Variants in VPS13D observed in about 807,000 individuals in gnomAD.
VPS13D encodes the protein intermembrane lipid transfer protein VPS13D.
A neutral mutation model predicts 461.9 loss-of-function variants in VPS13D; 187 were observed. The ratio of observed to expected loss-of-function variants is 0.40; its 90% confidence interval spans 0.36 to 0.46. The LOEUF (loss-of-function observed/expected upper bound fraction) is 0.46, where lower values mean the gene tolerates loss of function less well. Ranked by LOEUF, VPS13D falls within the 20% of genes least tolerant of loss-of-function variation. The pLI, the probability that VPS13D is intolerant of heterozygous loss-of-function variation, is 0.60. For missense variants in VPS13D, 4,711 were observed against 5,364.9 expected (o/e 0.88, Z 3.81); for synonymous variants, 1,951 against 1,986.3 (o/e 0.98, Z 0.47).
chr1:12,328,407 C>G (rs1643247229), intron 36 of VPS13D, among the ~76,000 whole-genome samples: 1 of 150,332 alleles, frequency 6.7e-6, no homozygotes, highest in Admixed American at 6.6e-5. Flanking sequence ...GTTTTGTTGC[C>G]CAAGGTTGGT....
chr1:12,448,231 T>C (rs552864465), intron 65 of VPS13D, among the ~76,000 whole-genome samples: 5 of 152,334 alleles, frequency 3.3e-5, no homozygotes, highest in Admixed American at 1.3e-4. Flanking sequence ...GTGTGTTTTC[T>C]TGGAGTTGAA....
intron 35 of VPS13D, among the ~76,000 whole-genome samples, chr1:12,325,092 C>T (rs1435665106): frequency 1.3e-5 from 2 of 152,034 alleles, no homozygotes; most frequent in African/African-American, 2.4e-5. Flanking sequence ...TTTTTTTCCC[C>T]CTTTTTTAAA....
chr1:12,246,533 C>G (rs544572259), intron 5 of VPS13D, among the ~76,000 whole-genome samples: 13 of 152,280 alleles, frequency 8.5e-5, no homozygotes, highest in African/African-American at 3.1e-4. Context: ...CTTCTTGTCC[C>G]AAGCCTTTCA....
intron 13 of VPS13D, among the ~76,000 whole-genome samples, chr1:12,262,551 A>T (rs1476291108): frequency 6.6e-6 from 1 of 152,218 alleles, no homozygotes; most frequent in Non-Finnish European, 1.5e-5. Context: ...TGAGGTAAGC[A>T]GCTAATAGTC....
At chr1:12,262,707 C>CTT (rs1466311010) in intron 13 of VPS13D, among the ~76,000 whole-genome samples, 3 of 143,388 alleles carry the variant, frequency 2.1e-5, no homozygotes, top group Admixed American at 7.0e-5. Flanking sequence ...TATTTTCTTT[C>CTT]TTTTTTTTTT....
At chr1:12,242,948 CTTTTCTTTTCT>C (rs1021026880) in intron 3 of VPS13D, among the ~76,000 whole-genome samples, 1 of 150,698 alleles carries the variant, frequency 6.6e-6, no homozygotes, top group African/African-American at 2.4e-5. Flanking sequence ...TTTTCTTTTT[CTTTTCTTTTCT>C]TTTTTTTTTT....
At chr1:12,298,380 C>G (rs1037966534) in intron 24 of VPS13D, among the ~76,000 whole-genome samples, 6 of 152,290 alleles carry the variant, frequency 3.9e-5, no homozygotes, top group African/African-American at 1.4e-4. Context: ...ACGCTCACAC[C>G]TGTAATCCCA....
intron 67 of VPS13D, among the ~76,000 whole-genome samples, chr1:12,483,923 G>A (rs893698671): frequency 6.6e-6 from 1 of 151,874 alleles, no homozygotes; most frequent in Non-Finnish European, 1.5e-5. Flanking sequence ...ACTTGAACCC[G>A]GGATGTGGAG....
At chr1:12,429,989 TA>T (rs1440369973) in intron 65 of VPS13D, among the ~76,000 whole-genome samples, 12 of 152,252 alleles carry the variant, frequency 7.9e-5, no homozygotes, top group African/African-American at 2.9e-4. Flanking sequence ...TGAATTTATA[TA>T]ATAAAACATT....
At chr1:12,307,905 G>T (rs1273382517) in intron 26 of VPS13D, among the ~76,000 whole-genome samples, 1 of 152,318 alleles carries the variant, frequency 6.6e-6, no homozygotes, top group Admixed American at 6.5e-5. Context: ...GAGTGGTTTT[G>T]TGAGGGCTAG....
intron 23 of VPS13D, among the ~76,000 whole-genome samples, chr1:12,292,719 G>C (rs1406516662): frequency 6.6e-6 from 1 of 152,064 alleles, no homozygotes; most frequent in Non-Finnish European, 1.5e-5. Flanking sequence ...GATTACAGGC[G>C]TGAGCCACCG....
intron 63 of VPS13D, among the ~76,000 whole-genome samples, chr1:12,405,670 G>C (rs963191607): frequency 1.3e-5 from 2 of 152,156 alleles, no homozygotes; most frequent in African/African-American, 4.8e-5. Flanking sequence ...ATGGGAGTGA[G>C]GGGAAAACCA....
chr1:12,288,039 C>T (rs553418846), intron 21 of VPS13D, among the ~76,000 whole-genome samples, 184 bp from the exon 22 acceptor site: 31 of 152,246 alleles, frequency 2.0e-4, no homozygotes, highest in African/African-American at 6.7e-4. Flanking sequence ...GTCCAGTCTC[C>T]GCCCTGTCCT....
In VPS13D at chr1:12,315,910, G is replaced by A. The variant is rs180878653; in HGVS notation, c.7148+1583G>A. ...CAGCTCACTGCAACCTCCGCCTCCCGGGTTCAAGTGATTCTCCTGTCTCAG... is the reference window on the plus strand; with the variant it reads ...CAGCTCACTGCAACCTCCGCCTCCCAGGTTCAAGTGATTCTCCTGTCTCAG... On this transcript the variant is annotated intron_variant, in intron 30 of 69. Transcript: ENST00000620676. Among the ~76,000 whole-genome samples, 426 of 152,000 alleles carry A rather than the reference G, an allele frequency of 2.8e-3. 5 individuals are homozygous for A. The highest frequency in any genetic ancestry group is 5.2e-3 in the African/African-American group (217 of 41,432).
At chr1:12,290,786 A>G (rs543872293) in intron 22 of VPS13D, among the ~76,000 whole-genome samples, 1 of 151,728 alleles carries the variant, frequency 6.6e-6, no homozygotes, top group East Asian at 1.9e-4. Flanking sequence ...CTGCATTGAG[A>G]CTTTTTTTTT....
intron 37 of VPS13D, among the ~76,000 whole-genome samples, chr1:12,332,604 G>A (rs1483684845): frequency 5.3e-5 from 8 of 152,188 alleles, no homozygotes; most frequent in African/African-American, 1.4e-4. Context: ...TCAAGTGAAT[G>A]GTCACCTGGA....
At chr1:12,345,233 C>T in intron 42 of VPS13D, 141 bp from the exon 43 acceptor site, 1 of 914,604 alleles carries the variant, frequency 1.1e-6, no homozygotes, top group East Asian at 2.5e-5. Context: ...CCTGATTTCC[C>T]TTGCATTAGG....
intron 48 of VPS13D, 152 bp downstream of exon 48, chr1:12,356,242 C>A: frequency 1.4e-6 from 2 of 1,379,942 alleles, no homozygotes; most frequent in East Asian, 2.5e-5. Context: ...AATGCTTAAT[C>A]ATGCTCAAAA....
In VPS13D at chr1:12,314,124, C is replaced by G; in HGVS notation, c.6945C>G (p.Phe2315Leu). Residue 2315 changes from phenylalanine to leucine, a missense_variant, in exon 30 of 70, where the codon TTC becomes TTG. This residue lies in a region of VPS13D where 4,411 missense variants were observed against 4,937.8 expected (regional missense o/e 0.89). Coordinates refer to ENST00000620676, the MANE Select transcript of VPS13D (RefSeq NM_015378.4). ...EGAGSLARFD[F>L]KKCKLLYESF... Reference sequence around the variant, plus strand: ...CTTTTCTCTCTTTTAGATTTGACTTCAAGAAATGCAAACTGCTCTATGAAA... The same window carrying G: ...CTTTTCTCTCTTTTAGATTTGACTTGAAGAAATGCAAACTGCTCTATGAAA... The G allele has an allele frequency of 3.1e-6, 5 of 1,613,844 alleles. No individual in the cohort carries two copies. The highest frequency in any genetic ancestry group is 4.2e-6 in the Non-Finnish European group (5 of 1,179,892).
Sources: allele counts gnomAD v4.1 joint callset (sites outside exome capture counted in the v4.1 genomes callset), GRCh38; gene constraint gnomAD v4.1.1; regional missense constraint gnomAD v4.1.1; transcripts MANE v1.5; gene names NCBI Gene and HGNC (gene_info 2026-07-23, HGNC 2026-07-21).